The following TMEM14A variants were observed in gnomAD, a reference collection of about 807,000 sequenced individuals.
TMEM14A encodes the protein transmembrane protein 14A.
Under a neutral mutation model 11.6 loss-of-function variants are expected in TMEM14A, and 8 were observed. That is an observed-to-expected ratio of 0.69 (90% confidence interval 0.40 to 1.24). TMEM14A has a LOEUF of 1.24. TMEM14A is among the 50% of genes most tolerant of loss of function. The probability of loss-of-function intolerance (pLI) is 0.01; values close to 1 mark genes in which losing one functional copy is unlikely to be tolerated. For missense variants in TMEM14A, 108 were observed against 121.9 expected, an observed-to-expected ratio of 0.89 and a Z score of 0.54; for synonymous variants, 34 against 45.5, an observed-to-expected ratio of 0.75 and a Z score of 1.02.
At chr6:52,671,618 C>T (rs1425517799) in intron 1 of TMEM14A, among the ~76,000 whole-genome samples, 2 of 152,076 alleles carry the variant, frequency 1.3e-5, no homozygotes, top group Non-Finnish European at 2.9e-5. Context: ...TCCAAGAGCT[C>T]AAGGGTAGGT....
chr6:52,680,035 G>A (rs1769334664), intron 2 of TMEM14A, among the ~76,000 whole-genome samples: 1 of 151,728 alleles, frequency 6.6e-6, no homozygotes, highest in African/African-American at 2.4e-5. Context: ...TCTTCTGCTT[G>A]AACATGACCC....
rs1476749234 is a variant in TMEM14A, at chr6:52,684,099, C to T, written c.194C>T (p.Thr65Ile). The T allele has an allele frequency of 4.3e-6, 7 of 1,613,762 alleles. No individual in the cohort carries two copies. Among genetic ancestry groups the T allele is most frequent in the Non-Finnish European group, 5.1e-6 (6 of 1,179,862 alleles). ...VSLFTAFFLA[T>I]IMGVRFKRSK... Reference sequence around the variant, plus strand: ...TCAGTTACAGCTTTCTTCCTGGCTACCATAATGGGTGTGAGATTTAAGAGG... The same window carrying T: ...TCAGTTACAGCTTTCTTCCTGGCTATCATAATGGGTGTGAGATTTAAGAGG... Residue 65 changes from threonine to isoleucine, a missense_variant, in exon 4 of 5, where the codon ACC (threonine) becomes ATC (isoleucine). Transcript: ENST00000211314.
intron 2 of TMEM14A, among the ~76,000 whole-genome samples, chr6:52,680,619 A>ATG (rs1769353151): frequency 8.8e-6 from 1 of 112,996 alleles, no homozygotes; most frequent in Non-Finnish European, 1.9e-5. Flanking sequence ...ATATGTATAT[A>ATG]TATGTGTATA....
At chr6:52,685,056 G>A (rs537831710) in intron 4 of TMEM14A, among the ~76,000 whole-genome samples, 1 of 152,250 alleles carries the variant, frequency 6.6e-6, no homozygotes, top group South Asian at 2.1e-4. Context: ...ACCACATATA[G>A]TGTGATTAAA....
At chr6:52,671,344 C>G (rs1365589077) in intron 1 of TMEM14A, 99 bp downstream of exon 1, 2 of 152,254 alleles carry the variant, frequency 1.3e-5, no homozygotes, top group Non-Finnish European at 2.9e-5. Context: ...TCCCCTCCCC[C>G]GCGCCAAACC....
At position 52,681,699 on chromosome 6, in the gene TMEM14A, C is replaced by G; in HGVS notation, c.71-114C>G. On this transcript the variant is annotated intron_variant, in intron 2 of 4. Coordinates refer to ENST00000211314, the MANE Select transcript of TMEM14A (RefSeq NM_014051.4). ...TTCTTAATTTGGCTTTGTCCAGTTACTGTGCCCAAGTAGGAATACATTTGA... is the reference window on the plus strand; with the variant it reads ...TTCTTAATTTGGCTTTGTCCAGTTAGTGTGCCCAAGTAGGAATACATTTGA... 3.5e-6 allele frequency: 3 copies of G among 847,092 alleles called. No individual in the cohort carries two copies. In the South Asian group the frequency reaches 5.0e-5, roughly 14 times the overall value. 52.5% of individuals were successfully genotyped at this position (847,092 alleles called of 1,614,324 possible).
chr6:52,682,028 C>A, intron 3 of TMEM14A, 114 bp downstream of exon 3: 1 of 812,864 alleles, frequency 1.2e-6, no homozygotes, highest in Non-Finnish European at 2.0e-6. Context: ...TGGCCATATG[C>A]ATGTGTTGAG....
rs1172016278 is a variant in TMEM14A, at chr6:52,680,667, G to A, written c.71-1146G>A. Among the ~76,000 whole-genome samples the A allele has an allele frequency of 1.1e-3, 28 of 24,874 alleles. 1 individual carries two copies. Among genetic ancestry groups the A allele is most frequent in the East Asian group, 4.0e-3 (2 of 496 alleles). The allele number at this position is 24,874 out of a possible 152,430, so 16.3% of individuals were successfully genotyped here. ...TATATATATGTGTGTGTATATATAT[G>A]TGTATATATATATATACATATATGT... On this transcript the variant is annotated intron_variant, in intron 2 of 4. Transcript: ENST00000211314.
intron 3 of TMEM14A, among the ~76,000 whole-genome samples, 170 bp from the exon 4 acceptor site, chr6:52,683,908 C>G (rs1269107803): frequency 6.6e-6 from 1 of 152,214 alleles, no homozygotes; most frequent in Non-Finnish European, 1.5e-5. Flanking sequence ...AGCCACTGGC[C>G]CGGCCATGAA....
At chr6:52,680,649 A>G (rs1233327830) in intron 2 of TMEM14A, among the ~76,000 whole-genome samples, 2 of 48,350 alleles carry the variant, frequency 4.1e-5, no homozygotes, top group Admixed American at 1.9e-4. Flanking sequence ...GTGTATATAT[A>G]TGTGTGTGTA....
intron 3 of TMEM14A, among the ~76,000 whole-genome samples, chr6:52,682,303 C>CA (rs576016569): frequency 2.2e-4 from 33 of 152,314 alleles, no homozygotes; most frequent in Admixed American, 1.8e-3. Context: ...TTAGATTCTG[C>CA]ACTGCCTTAA....
intron 1 of TMEM14A, among the ~76,000 whole-genome samples, chr6:52,672,701 A>G (rs561875912): frequency 6.6e-6 from 1 of 152,170 alleles, no homozygotes; most frequent in South Asian, 2.1e-4. Context: ...CTCAAATTCA[A>G]TTCTGATTCT....
chr6:52,679,173 A>G (rs1581743918), intron 2 of TMEM14A, among the ~76,000 whole-genome samples: 1 of 152,198 alleles, frequency 6.6e-6, no homozygotes, highest in African/African-American at 2.4e-5. Flanking sequence ...ATGGGGGTAC[A>G]GTGGGGAGAG....
chr6:52,681,291 A>G (rs1349742411), intron 2 of TMEM14A, among the ~76,000 whole-genome samples: 3 of 152,040 alleles, frequency 2.0e-5, no homozygotes, highest in Admixed American at 1.3e-4. Flanking sequence ...TAGGGCCTCT[A>G]TTAGTCCTTG....
intron 2 of TMEM14A, among the ~76,000 whole-genome samples, chr6:52,680,585 T>TATATATATATATATATA (rs1561874901): frequency 3.0e-4 from 10 of 33,248 alleles, no homozygotes; most frequent in South Asian, 2.2e-3. Context: ...CACTATATAT[T>TATATATATATATATATA]TATATATTTA....
chr6:52,679,064 G>A (rs754468156), intron 2 of TMEM14A, among the ~76,000 whole-genome samples: 6 of 152,170 alleles, frequency 3.9e-5, no homozygotes, highest in Admixed American at 6.5e-5. Context: ...TGTCGAAATG[G>A]TGTTTAGTGG....
At chr6:52,680,704 T>TATATAC (rs371102796) in intron 2 of TMEM14A, among the ~76,000 whole-genome samples, 24 of 51,106 alleles carry the variant, frequency 4.7e-4, no homozygotes, top group African/African-American at 1.4e-3. Flanking sequence ...TATATATATA[T>TATATAC]ACACATATAT....
intron 2 of TMEM14A, among the ~76,000 whole-genome samples, chr6:52,679,631 C>G (rs959206016): frequency 6.6e-6 from 1 of 152,186 alleles, no homozygotes; most frequent in Non-Finnish European, 1.5e-5. Flanking sequence ...TTGTAGCCCC[C>G]ACTATGGGTC....
chr6:52,678,325 GTGTT>G (rs1306496694), intron 2 of TMEM14A, among the ~76,000 whole-genome samples: 1,399 of 8,636 alleles, frequency 0.16, 40 homozygotes, highest in African/African-American at 0.29. Context: ...GTGTATGTGT[GTGTT>G]TGTGTGTGTG....
Sources: gnomAD v4.1 joint callset for allele counts (sites outside exome capture counted in the v4.1 genomes callset) on GRCh38, gnomAD v4.1.1 for gene constraint, MANE v1.5 for transcripts, NCBI Gene and HGNC (gene_info 2026-07-23, HGNC 2026-07-21) for gene names.